The following ADGRL2 variants were observed in gnomAD, a reference collection of about 807,000 sequenced individuals.
ADGRL2 encodes the protein calcium-independent alpha-latrotoxin receptor 2.
ADGRL2 carries 44 observed loss-of-function variants against 157.4 expected under a neutral mutation model. The ratio of observed to expected loss-of-function variants is 0.28; its 90% CI spans 0.22 to 0.36. ADGRL2 has a LOEUF of 0.36. ADGRL2 is among the 10% of genes least tolerant of loss of function. The probability of loss-of-function intolerance (pLI) is 1.00; values close to 1 mark genes in which losing one functional copy is unlikely to be tolerated. For missense variants in ADGRL2, 1,510 were observed against 1,768.9 expected, an observed-to-expected ratio of 0.85 and a Z score of 2.63; for synonymous variants, 585 against 624.7, an observed-to-expected ratio of 0.94 and a Z score of 0.95.
At chr1:81,579,474 T>C (rs942125512) in intron 2 of ADGRL2, 1 of 152,170 alleles carries the variant, frequency 6.6e-6, no homozygotes, top group African/African-American at 2.4e-5. Context: ...CCAATAATAA[T>C]GAAGATCTTC....
chr1:81,461,276 C>G (rs542097306), intron 2 of ADGRL2, among the ~76,000 whole-genome samples: 1 of 151,270 alleles, frequency 6.6e-6, no homozygotes, highest in African/African-American at 2.4e-5. Flanking sequence ...TTTTTCTTTT[C>G]TTTTCTTTTT....
intron 1 of ADGRL2, among the ~76,000 whole-genome samples, chr1:81,736,970 G>A (rs940776218): frequency 8.5e-5 from 13 of 152,072 alleles, no homozygotes; most frequent in Non-Finnish European, 1.8e-4. Flanking sequence ...GAGTAGCTGG[G>A]ACTACGGGTG....
At chr1:81,552,916 G>C (rs1381065748) in intron 2 of ADGRL2, among the ~76,000 whole-genome samples, 1 of 152,076 alleles carries the variant, frequency 6.6e-6, no homozygotes, top group Non-Finnish European at 1.5e-5. Context: ...TTTTCCCCCA[G>C]TGTGTCAAAA....
chr1:81,498,739 A>G (rs1248482337), intron 2 of ADGRL2, among the ~76,000 whole-genome samples: 2 of 152,246 alleles, frequency 1.3e-5, no homozygotes, highest in Non-Finnish European at 2.9e-5. Context: ...TCCAGTTTAA[A>G]AAGAAAAATA....
chr1:81,598,673 C>T (rs1035063050), intron 3 of ADGRL2, among the ~76,000 whole-genome samples: 1 of 152,266 alleles, frequency 6.6e-6, no homozygotes, highest in South Asian at 2.1e-4. Context: ...TTATGACACA[C>T]AAGTGGTCAG....
intron 1 of ADGRL2, among the ~76,000 whole-genome samples, chr1:81,380,361 A>G (rs927011782): frequency 1.3e-4 from 20 of 152,216 alleles, no homozygotes; most frequent in Non-Finnish European, 2.5e-4. Flanking sequence ...TGAAATAAGC[A>G]TATTTTATGT....
At chr1:81,724,180 G>A (rs1570966848) in intron 1 of ADGRL2, among the ~76,000 whole-genome samples, 1 of 152,162 alleles carries the variant, frequency 6.6e-6, no homozygotes, top group Non-Finnish European at 1.5e-5. Context: ...AACAACTGTA[G>A]TTTCTTACTT....
Position 81,703,111 on chromosome 1 carries a change from G to A in ADGRL2, c.-143+3303G>A, listed in dbSNP as rs903547029. On this transcript the variant is annotated intron_variant, in intron 1 of 20. Coordinates refer to the ADGRL2 transcript ENST00000359929. ...GCAGCTAGTGAGTCAGCAATGATTAGGTCAACAAAAACTGTTTCCTCAGAT... is the reference window on the plus strand; with the variant it reads ...GCAGCTAGTGAGTCAGCAATGATTAAGTCAACAAAAACTGTTTCCTCAGAT... Among the ~76,000 whole-genome samples, 13 of 152,232 alleles carry A rather than the reference G, an allele frequency of 8.5e-5. No homozygotes were observed. The East Asian group carries it at 2.5e-3, about 29-fold the overall frequency.
intron 2 of ADGRL2, 118 bp downstream of exon 2, chr1:81,837,175 AT>A: frequency 1.9e-6 from 1 of 514,754 alleles, no homozygotes; most frequent in Non-Finnish European, 3.3e-6. Context: ...TGTTAAAATT[AT>A]TTCCTGAATA....
intron 1 of ADGRL2, among the ~76,000 whole-genome samples, chr1:81,813,582 G>A (rs1352329920): frequency 6.6e-6 from 1 of 151,340 alleles, no homozygotes; most frequent in African/African-American, 2.4e-5. Flanking sequence ...TTTATAATGG[G>A]GTAAGAATAT....
chr1:81,832,989 T>C (rs2092054411), intron 1 of ADGRL2, among the ~76,000 whole-genome samples: 1 of 152,236 alleles, frequency 6.6e-6, no homozygotes, highest in South Asian at 2.1e-4. Flanking sequence ...AATTTATTTT[T>C]TCATTTTCTG....
chr1:81,663,220 G>C (rs999785880), intron 3 of ADGRL2, among the ~76,000 whole-genome samples: 1 of 152,050 alleles, frequency 6.6e-6, no homozygotes, highest in South Asian at 2.1e-4. Context: ...AACAAGCAGA[G>C]AGGAGACTAG....
chr1:81,368,374 C>T (rs2076103145), intron 1 of ADGRL2, among the ~76,000 whole-genome samples: 1 of 152,100 alleles, frequency 6.6e-6, no homozygotes, highest in Admixed American at 6.6e-5. Flanking sequence ...TCTTAACTGG[C>T]TTTCCTTTCT....
rs1233958490 is a variant in ADGRL2, at chr1:81,980,728, G to T, written c.3113+768G>T. ...TCATTGCATGTTGCATGGTAAGAGA[G>T]AGAGCTAATCTTTAGCATCTCTCTC... On this transcript the variant is annotated intron_variant, in intron 18 of 23. Transcript: ENST00000686636. 5.0e-6 allele frequency: 3 copies of T among 604,878 alleles called. No individual in the cohort carries two copies. In the Admixed American group the frequency reaches 6.4e-5, roughly 13 times the overall value. 37.5% of individuals were successfully genotyped at this position (604,878 alleles called of 1,614,324 possible).
At chr1:81,480,616 T>A (rs569413939) in intron 2 of ADGRL2, among the ~76,000 whole-genome samples, 51 of 152,356 alleles carry the variant, frequency 3.3e-4, no homozygotes, top group African/African-American at 1.2e-3. Flanking sequence ...GTATACATTT[T>A]AAAAATTTAC....
chr1:81,833,226 A>G (rs957833423), intron 1 of ADGRL2, among the ~76,000 whole-genome samples: 2 of 152,228 alleles, frequency 1.3e-5, no homozygotes, highest in African/African-American at 4.8e-5. Context: ...GCTTACCTAA[A>G]ACATTAATGT....
At chr1:81,448,977 C>T (rs777670755) in intron 2 of ADGRL2, among the ~76,000 whole-genome samples, 10 of 152,156 alleles carry the variant, frequency 6.6e-5, no homozygotes, top group East Asian at 1.9e-4. Context: ...TTAACATATA[C>T]AAAAATAGAT....
At chr1:81,528,282 C>T (rs888097511) in intron 2 of ADGRL2, among the ~76,000 whole-genome samples, 2 of 152,188 alleles carry the variant, frequency 1.3e-5, no homozygotes, top group Non-Finnish European at 2.9e-5. Flanking sequence ...CAAGATACAA[C>T]TGGTGCCAAA....
At chr1:81,952,382 TTATC>T (rs1652114720) in intron 9 of ADGRL2, among the ~76,000 whole-genome samples, 1 of 152,120 alleles carries the variant, frequency 6.6e-6, no homozygotes, top group South Asian at 2.1e-4. Flanking sequence ...GTGGCAAACT[TTATC>T]TATCTGATTG....
Sources: allele counts gnomAD v4.1 joint callset (sites outside exome capture counted in the v4.1 genomes callset), GRCh38; gene constraint gnomAD v4.1.1; transcripts MANE v1.5; gene names NCBI Gene and HGNC (gene_info 2026-07-23, HGNC 2026-07-21).